TENM3: variants seen among roughly 807,000 people sequenced by gnomAD.
TENM3 encodes the protein teneurin transmembrane protein 3, also known as teneurin-3.
TENM3 carries 63 observed loss-of-function variants against 255.1 expected under a neutral mutation model. The ratio of observed to expected loss-of-function variants is 0.25; its 90% CI spans 0.20 to 0.30. TENM3 has a LOEUF of 0.30. TENM3 is among the 10% of genes least tolerant of loss of function. The probability of loss-of-function intolerance (pLI) is 1.00; values close to 1 mark genes in which losing one functional copy is unlikely to be tolerated. For missense variants in TENM3, 2,929 were observed against 3,461.1 expected (o/e 0.85, Z 3.86); for synonymous variants, 1,306 against 1,322.3 (o/e 0.99, Z 0.27).
chr4:182,551,409 G>A (rs1249077350), intron 3 of TENM3, among the ~76,000 whole-genome samples: 1 of 152,060 alleles, frequency 6.6e-6, no homozygotes, highest in Non-Finnish European at 1.5e-5. Flanking sequence ...AACAGCAGCG[G>A]TGGTAGGATA....
intron 22 of TENM3, among the ~76,000 whole-genome samples, chr4:182,766,032 A>T (rs187135468): frequency 9.5e-4 from 144 of 152,278 alleles, no homozygotes; most frequent in African/African-American, 3.3e-3. Flanking sequence ...CTCTTTCCAA[A>T]TGTGCCACCT....
At chr4:182,175,889 G>A (rs1752454950) in intron 1 of TENM3, among the ~76,000 whole-genome samples, 1 of 152,096 alleles carries the variant, frequency 6.6e-6, no homozygotes, top group South Asian at 2.1e-4. Flanking sequence ...GAGGCTTTTC[G>A]ATACAATTGG....
rs201727971 is a variant in TENM3, at chr4:182,687,377, AT to A, written c.2036-781del. Among the ~76,000 whole-genome samples, 5 of 151,998 alleles carry A rather than the reference AT, an allele frequency of 3.3e-5. No individual in the cohort carries two copies. In the South Asian group the frequency reaches 1.0e-3, roughly 32 times the overall value. ...AATAAAGCTTTTAAGAAAGCTTAAA[AT>A]TTTTTTTCTTACACATCTGAATTCT... On this transcript the variant is annotated intron_variant, in intron 11 of 27. Transcript: ENST00000511685.
At chr4:181,913,156 T>C in the TENM3 span, among the ~76,000 whole-genome samples, 1 of 151,970 alleles carries the variant, frequency 6.6e-6, no homozygotes. Flanking sequence ...CAGGAACCAA[T>C]GCGGGAATGA....
intron 10 of TENM3, among the ~76,000 whole-genome samples, chr4:182,681,332 A>C (rs999797846): frequency 2.6e-5 from 4 of 152,244 alleles, no homozygotes; most frequent in African/African-American, 9.6e-5. Flanking sequence ...CATTGACCCT[A>C]CAAGTGTAAA....
the TENM3 span, among the ~76,000 whole-genome samples, chr4:181,799,908 T>G: frequency 4.6e-5 from 7 of 152,106 alleles, no homozygotes; most frequent in Non-Finnish European, 8.8e-5. Flanking sequence ...TCAAAAGCCC[T>G]CGGGAGCTAG....
chr4:181,560,623 A>G, the TENM3 span, among the ~76,000 whole-genome samples: 4 of 152,068 alleles, frequency 2.6e-5, no homozygotes, highest in African/African-American at 4.8e-5. Flanking sequence ...ACGTAATATG[A>G]TTTACCTTAT....
At chr4:181,815,594 T>C in the TENM3 span, among the ~76,000 whole-genome samples, 1 of 151,514 alleles carries the variant, frequency 6.6e-6, no homozygotes, top group Non-Finnish European at 1.5e-5. Context: ...TTAATTAAAA[T>C]ACAGTCCACA....
chr4:182,587,648 T>G (rs1192848531), intron 3 of TENM3, among the ~76,000 whole-genome samples: 1 of 152,132 alleles, frequency 6.6e-6, no homozygotes, highest in East Asian at 1.9e-4. Context: ...TGGTCTCAAG[T>G]GATCTGCCCA....
chr4:181,916,696 G>A, the TENM3 span, among the ~76,000 whole-genome samples: 1 of 152,062 alleles, frequency 6.6e-6, no homozygotes, highest in East Asian at 1.9e-4. Flanking sequence ...GGCCAACATG[G>A]TGAAACCCCG....
intron 1 of TENM3, among the ~76,000 whole-genome samples, chr4:182,280,348 A>G (rs1362974441): frequency 6.6e-6 from 1 of 152,132 alleles, no homozygotes; most frequent in Non-Finnish European, 1.5e-5. Flanking sequence ...TGTGTTCTAC[A>G]TTTTGGGAGG....
chr4:181,797,660 A>C, the TENM3 span, among the ~76,000 whole-genome samples: 1 of 152,210 alleles, frequency 6.6e-6, no homozygotes, highest in Non-Finnish European at 1.5e-5. Context: ...TTCATAGCTG[A>C]AGTGTCTGAA....
At chr4:182,452,103 C>T (rs1561461667) in intron 3 of TENM3, among the ~76,000 whole-genome samples, 1 of 152,330 alleles carries the variant, frequency 6.6e-6, no homozygotes, top group Non-Finnish European at 1.5e-5. Flanking sequence ...TACATGCACA[C>T]ATACAGACAT....
chr4:181,810,635 T>G, the TENM3 span, among the ~76,000 whole-genome samples: 4 of 151,994 alleles, frequency 2.6e-5, no homozygotes, highest in Non-Finnish European at 4.4e-5. Flanking sequence ...TATGGTCTGA[T>G]GAGAGATATA....
the TENM3 span, among the ~76,000 whole-genome samples, chr4:181,665,701 C>G: frequency 3.9e-5 from 6 of 151,956 alleles, no homozygotes; most frequent in South Asian, 1.0e-3. Context: ...CACACACGTA[C>G]CCTGTTCTGC....
chr4:182,764,805 C>T (rs1232934727), intron 22 of TENM3, among the ~76,000 whole-genome samples: 3 of 152,022 alleles, frequency 2.0e-5, no homozygotes, highest in South Asian at 2.1e-4. Context: ...CCGGGGTAGG[C>T]GGGACTCTGT....
At chr4:181,612,387 G>C in the TENM3 span, among the ~76,000 whole-genome samples, 1 of 152,122 alleles carries the variant, frequency 6.6e-6, no homozygotes, top group African/African-American at 2.4e-5. Flanking sequence ...CAGCCCAGGG[G>C]GGAAATCAAA....
At chr4:181,698,780 A>G in the TENM3 span, among the ~76,000 whole-genome samples, 27 of 152,208 alleles carry the variant, frequency 1.8e-4, no homozygotes, top group Admixed American at 1.8e-3. Flanking sequence ...GACATTATCT[A>G]TATATTACTA....
At chr4:182,638,503 A>T (rs947452178) in intron 5 of TENM3, among the ~76,000 whole-genome samples, 1 of 152,156 alleles carries the variant, frequency 6.6e-6, no homozygotes, top group Non-Finnish European at 1.5e-5. Context: ...CCCATTGTGC[A>T]TCTTCCCATT....
Sources: gnomAD v4.1 joint callset for allele counts (sites outside exome capture counted in the v4.1 genomes callset) on GRCh38, gnomAD v4.1.1 for gene constraint, MANE v1.5 for transcripts, NCBI Gene and HGNC (gene_info 2026-07-23, HGNC 2026-07-21) for gene names.